The following PDE4D variants were observed in gnomAD, a reference collection of about 807,000 sequenced individuals.
PDE4D encodes 3',5'-cyclic-AMP phosphodiesterase 4D.
A neutral mutation model predicts 87.4 loss-of-function variants in PDE4D; 24 were observed. The observed-to-expected ratio is 0.27, with a 90% CI of 0.20 to 0.39. The LOEUF is 0.39. Ranked by LOEUF, PDE4D falls within the 10% of genes least tolerant of loss-of-function variation. PDE4D has a pLI of 1.00. For synonymous variants in PDE4D, 384 were observed against 383.2 expected, an observed-to-expected ratio of 1.00 and a Z score of -0.02; for missense variants, 714 against 1,041.0, an observed-to-expected ratio of 0.69 and a Z score of 4.32.
At chr5:59,517,805 C>A (rs1811445566) in intron 1 of PDE4D, among the ~76,000 whole-genome samples, 1 of 152,102 alleles carries the variant, frequency 6.6e-6, no homozygotes, top group African/African-American at 2.4e-5. Flanking sequence ...GCAAATCATA[C>A]TGCAAAAAAT....
chr5:60,244,529 C>A (rs1219284652), intron 1 of PDE4D, among the ~76,000 whole-genome samples: 1 of 151,944 alleles, frequency 6.6e-6, no homozygotes, highest in Admixed American at 6.6e-5. Flanking sequence ...GGAGGAATCA[C>A]ATTACCTGAC....
chr5:60,344,816 C>T (rs1158919749), intron 1 of PDE4D, among the ~76,000 whole-genome samples: 2 of 151,948 alleles, frequency 1.3e-5, no homozygotes, highest in Non-Finnish European at 2.9e-5. Context: ...AAATTCCAAC[C>T]GCATTTTGAC....
intron 1 of PDE4D, among the ~76,000 whole-genome samples, chr5:59,706,951 G>A (rs910621847): frequency 1.3e-5 from 2 of 152,032 alleles, no homozygotes; most frequent in African/African-American, 4.8e-5. Context: ...TAATCATAAG[G>A]CAAAATTTCA....
At chr5:59,465,397 T>C (rs1407849665) in intron 1 of PDE4D, among the ~76,000 whole-genome samples, 1 of 152,172 alleles carries the variant, frequency 6.6e-6, no homozygotes, top group African/African-American at 2.4e-5. Flanking sequence ...TGTGCACACA[T>C]GCATACTCTG....
intron 1 of PDE4D, among the ~76,000 whole-genome samples, chr5:59,542,300 T>C (rs540486736): frequency 6.6e-6 from 1 of 152,238 alleles, no homozygotes; most frequent in East Asian, 1.9e-4. Flanking sequence ...GGGCTGAGCG[T>C]ATAATAATGA....
chr5:59,456,613 A>G (rs1160419841), intron 1 of PDE4D, among the ~76,000 whole-genome samples: 1 of 152,238 alleles, frequency 6.6e-6, no homozygotes, highest in African/African-American at 2.4e-5. Context: ...TTATTATTTA[A>G]GAAATACATT....
chr5:59,115,230 G>A (rs1205700077), intron 5 of PDE4D, among the ~76,000 whole-genome samples: 1 of 152,104 alleles, frequency 6.6e-6, no homozygotes. Flanking sequence ...ATTTTTTGAT[G>A]ATTTGGGGTC....
intron 1 of PDE4D, among the ~76,000 whole-genome samples, chr5:60,428,801 C>T (rs1743943407): frequency 6.6e-6 from 1 of 152,156 alleles, no homozygotes; most frequent in African/African-American, 2.4e-5. Flanking sequence ...ACAATTTGCA[C>T]ACATCTAATA....
intron 2 of PDE4D, among the ~76,000 whole-genome samples, chr5:60,056,913 A>G (rs970500742): frequency 6.6e-6 from 1 of 152,046 alleles, no homozygotes; most frequent in African/African-American, 2.4e-5. Flanking sequence ...TTTATTCAAG[A>G]TCAGTGTTTA....
chr5:60,360,555 C>A (rs994619667), intron 1 of PDE4D, among the ~76,000 whole-genome samples: 1 of 152,166 alleles, frequency 6.6e-6, no homozygotes, highest in Non-Finnish European at 1.5e-5. Flanking sequence ...CTGTGGTCAG[C>A]GAAGAAAATC....
chr5:60,468,862 C>A (rs1352227759), intron 1 of PDE4D, among the ~76,000 whole-genome samples: 2 of 152,050 alleles, frequency 1.3e-5, no homozygotes, highest in African/African-American at 2.4e-5. Flanking sequence ...GTCTCTATTT[C>A]TTCCTGAGAC....
At chr5:59,860,047 T>C (rs1051142493) in intron 1 of PDE4D, among the ~76,000 whole-genome samples, 3 of 152,166 alleles carry the variant, frequency 2.0e-5, no homozygotes, top group African/African-American at 4.8e-5. Context: ...ATTGGCATAG[T>C]AAAAAGGTTA....
At chr5:59,048,233 A>T (rs899049454) in intron 5 of PDE4D, among the ~76,000 whole-genome samples, 5 of 152,054 alleles carry the variant, frequency 3.3e-5, no homozygotes, top group Admixed American at 6.6e-5. Flanking sequence ...AAACAGGTTT[A>T]AAAAAAGTTA....
chr5:59,107,500 C>T (rs1771817225), intron 5 of PDE4D, among the ~76,000 whole-genome samples: 1 of 152,142 alleles, frequency 6.6e-6, no homozygotes, highest in South Asian at 2.1e-4. Flanking sequence ...TGAGCCACTG[C>T]ACCTGGCAGG....
intron 1 of PDE4D, among the ~76,000 whole-genome samples, chr5:59,217,791 C>T (rs1751579854): frequency 6.6e-6 from 1 of 152,124 alleles, no homozygotes; most frequent in South Asian, 2.1e-4. Context: ...ATCTGTTTCA[C>T]CAGAATAGGA....
chr5:59,115,478 C>T (rs995628980), intron 5 of PDE4D, among the ~76,000 whole-genome samples: 3 of 152,062 alleles, frequency 2.0e-5, no homozygotes, highest in South Asian at 2.1e-4. Flanking sequence ...TCTTAATTTG[C>T]TTCATCCAAT....
chr5:59,249,257 C>T (rs1014944406), intron 1 of PDE4D, among the ~76,000 whole-genome samples: 1 of 151,944 alleles, frequency 6.6e-6, no homozygotes, highest in African/African-American at 2.4e-5. Context: ...AGTAAAACAA[C>T]ACTGAAATAC....
intron 1 of PDE4D, among the ~76,000 whole-genome samples, chr5:59,766,456 T>A (rs1762805835): frequency 6.6e-6 from 1 of 152,192 alleles, no homozygotes; most frequent in Admixed American, 6.5e-5. Flanking sequence ...GAAAGCCTAT[T>A]TTCATGGGAT....
chr5:60,432,511 A>G (rs981007264), intron 1 of PDE4D, among the ~76,000 whole-genome samples: 2 of 152,320 alleles, frequency 1.3e-5, no homozygotes, highest in Non-Finnish European at 2.9e-5. Flanking sequence ...GAATTTATCA[A>G]TTTACATATG....
Sources: gnomAD v4.1 joint callset for allele counts (sites outside exome capture counted in the v4.1 genomes callset) on GRCh38, gnomAD v4.1.1 for gene constraint, MANE v1.5 for transcripts, NCBI Gene and HGNC (gene_info 2026-07-23, HGNC 2026-07-21) for gene names.